Variants in STK39 observed in about 807,000 individuals in gnomAD.
The protein encoded by STK39 is STE20/SPS1-related proline-alanine-rich protein kinase.
A neutral mutation model predicts 77.8 loss-of-function variants in STK39; 20 were observed. The observed-to-expected ratio is 0.26, with a 90% confidence interval of 0.18 to 0.37. STK39 has a LOEUF of 0.37. STK39 is among the 10% of genes least tolerant of loss of function. STK39 has a pLI of 1.00. For synonymous variants in STK39, 246 were observed against 234.1 expected, an observed-to-expected ratio of 1.05 and a Z score of -0.47; for missense variants, 479 against 656.5, an observed-to-expected ratio of 0.73 and a Z score of 2.95.
rs533630956 is a variant in STK39 at position 168,170,983 on chromosome 2, G to A, written c.322-3576C>T. ...AGAAACTACAGAACTCTGAAATGCAGGCAACACATTTGCCAAAAATATAGT... is the reference window on the plus strand; with the variant it reads ...AGAAACTACAGAACTCTGAAATGCAAGCAACACATTTGCCAAAAATATAGT... On this transcript the variant is annotated intron_variant, in intron 2 of 17. Transcript: ENST00000355999. 2.6e-5 allele frequency among the ~76,000 whole-genome samples: 4 copies of A among 152,318 alleles called. No homozygotes were observed. The South Asian group carries it at 8.3e-4, about 32-fold the overall frequency.
chr2:168,018,579 A>AAAGAAAGG (rs1684489583), intron 14 of STK39, among the ~76,000 whole-genome samples: 1 of 144,196 alleles, frequency 6.9e-6, no homozygotes, highest in Admixed American at 7.2e-5. Flanking sequence ...AGAAAGAAAG[A>AAAGAAAGG]AAGAAAGAAA....
At chr2:168,147,899 G>A (rs1353567923) in intron 5 of STK39, among the ~76,000 whole-genome samples, 1 of 152,214 alleles carries the variant, frequency 6.6e-6, no homozygotes, top group Non-Finnish European at 1.5e-5. Context: ...GCAGTTAGCA[G>A]TTACAGAATC....
At chr2:168,002,456 G>A (rs1055788114) in intron 16 of STK39, among the ~76,000 whole-genome samples, 2 of 152,218 alleles carry the variant, frequency 1.3e-5, no homozygotes, top group South Asian at 4.1e-4. Context: ...ACATTTCCCT[G>A]GAGAGCTGGT....
chr2:168,188,956 A>G (rs1689273586), intron 1 of STK39, among the ~76,000 whole-genome samples: 1 of 152,194 alleles, frequency 6.6e-6, no homozygotes, highest in Non-Finnish European at 1.5e-5. Flanking sequence ...AGGCAGCTAC[A>G]AACTGGTGAC....
rs138770048 is a variant in STK39 at position 168,063,949 on chromosome 2, C to T, written c.1306-379G>A. Among the ~76,000 whole-genome samples the T allele has an allele frequency of 6.3e-3, 956 of 152,270 alleles. 9 individuals are homozygous for T. The highest frequency in any genetic ancestry group is 0.021 in the African/African-American group (878 of 41,546). On this transcript the variant is annotated intron_variant, in intron 13 of 17. Coordinates refer to ENST00000355999, the MANE Select transcript of STK39 (RefSeq NM_013233.3). ...TTAAACCCTGCAATGCAGAGGAAGG[C>T]GGGGCCCAGAAGATTCAGCCACTGT...
Position 168,187,364 on chromosome 2 carries a change from AG to A in STK39, c.209-5275del, listed in dbSNP as rs1295124804. On this transcript the variant is annotated intron_variant, in intron 1 of 17. Coordinates refer to ENST00000355999, the MANE Select transcript of STK39 (RefSeq NM_013233.3). ...AGACTCCATCTCAAAAAAAAAAAAA[AG>A]TTATTTTAAAATATCTATGTCAATC... Among the ~76,000 whole-genome samples the A allele has an allele frequency of 1.2e-3, 179 of 144,368 alleles. 1 individual carries two copies. The highest frequency in any genetic ancestry group is 4.4e-3 in the African/African-American group (173 of 39,038). 94.7% of individuals were successfully genotyped at this position (144,368 alleles called of 152,430 possible).
At chr2:168,141,730 T>C (rs1319447877) in intron 5 of STK39, among the ~76,000 whole-genome samples, 1 of 152,170 alleles carries the variant, frequency 6.6e-6, no homozygotes, top group Non-Finnish European at 1.5e-5. Context: ...CAATGTGCAG[T>C]CTGAGCCCCT....
intron 14 of STK39, among the ~76,000 whole-genome samples, chr2:168,061,444 T>A (rs1316730542): frequency 1.0e-5 from 1 of 98,812 alleles, no homozygotes; most frequent in African/African-American, 4.5e-5. Context: ...ATATTTAATG[T>A]TAATATTCCT....
chr2:167,986,876 G>A lies in STK39; in HGVS notation c.1499-22150C>T, dbSNP rs115945416. Among the ~76,000 whole-genome samples the A allele has an allele frequency of 2.7e-3, 404 of 152,256 alleles. 2 individuals are homozygous for A. Among genetic ancestry groups the A allele is most frequent in the Middle Eastern group, 6.8e-3 (2 of 294 alleles). On this transcript the variant is annotated intron_variant, in intron 16 of 17. Coordinates refer to ENST00000355999, the MANE Select transcript of STK39 (RefSeq NM_013233.3). ...GGCTGAGTACGAAGACGAGTCACAA[G>A]CAATCAAAAGACAGAAGACGAGCCA...
chr2:167,980,750 GTTGT>G (rs1683394837), intron 16 of STK39, among the ~76,000 whole-genome samples: 1 of 104,542 alleles, frequency 9.6e-6, no homozygotes, highest in Non-Finnish European at 2.0e-5. Context: ...ATTTCTTGTT[GTTGT>G]TTTTTTTTTT....
chr2:168,101,859 G>A (rs1366211432), intron 10 of STK39, among the ~76,000 whole-genome samples: 4 of 152,174 alleles, frequency 2.6e-5, no homozygotes, highest in Non-Finnish European at 5.9e-5. Flanking sequence ...ACAGAATTGT[G>A]CAACCATCAC....
At chr2:168,135,070 A>G (rs1244973082) in intron 8 of STK39, among the ~76,000 whole-genome samples, 1 of 152,178 alleles carries the variant, frequency 6.6e-6, no homozygotes, top group Non-Finnish European at 1.5e-5. Flanking sequence ...CTGAGTATAT[A>G]ATACAAACCA....
chr2:168,110,526 CTG>C (rs1229702956), intron 10 of STK39, among the ~76,000 whole-genome samples: 3 of 152,206 alleles, frequency 2.0e-5, no homozygotes, highest in Non-Finnish European at 4.4e-5. Context: ...GCATGAGTCA[CTG>C]TGCCTTGCCA....
intron 17 of STK39, 151 bp from the exon 18 acceptor site, chr2:167,955,721 C>T: frequency 1.4e-6 from 1 of 699,988 alleles, no homozygotes; most frequent in Admixed American, 2.6e-5. Context: ...CAGCCACTCT[C>T]TCGAATGACT....
intron 2 of STK39, among the ~76,000 whole-genome samples, chr2:168,176,889 G>C (rs905304728): frequency 3.3e-5 from 5 of 152,166 alleles, no homozygotes; most frequent in Admixed American, 6.5e-5. Flanking sequence ...CTAGTAATTA[G>C]TATTTTTATT....
intron 1 of STK39, among the ~76,000 whole-genome samples, chr2:168,246,576 A>C (rs561678282): frequency 4.5e-4 from 68 of 152,242 alleles, no homozygotes; most frequent in African/African-American, 1.6e-3. Context: ...CCTGGCACGG[A>C]GGGAGGCGGG....
intron 14 of STK39, among the ~76,000 whole-genome samples, chr2:168,041,344 G>A (rs181837534): frequency 6.8e-4 from 103 of 151,558 alleles, no homozygotes; most frequent in African/African-American, 2.4e-3. Context: ...AGGTTTATGG[G>A]AAAGGAAGCC....
chr2:168,237,647 A>G (rs1190820299), intron 1 of STK39, among the ~76,000 whole-genome samples: 1 of 152,198 alleles, frequency 6.6e-6, no homozygotes, highest in African/African-American at 2.4e-5. Context: ...GAGAGTTTTT[A>G]GCATGAAGGG....
chr2:168,138,352 T>C (rs1687891381), intron 7 of STK39, 131 bp from the exon 8 acceptor site: 1 of 1,253,902 alleles, frequency 8.0e-7, no homozygotes, highest in Non-Finnish European at 1.1e-6. Context: ...ATTTTAACTT[T>C]GCAGAAATTG....
Sources: gnomAD v4.1 joint callset for allele counts (sites outside exome capture counted in the v4.1 genomes callset) on GRCh38, gnomAD v4.1.1 for gene constraint, MANE v1.5 for transcripts, NCBI Gene and HGNC (gene_info 2026-07-23, HGNC 2026-07-21) for gene names.